DGKB: variants seen among roughly 807,000 people sequenced by gnomAD.
The protein encoded by DGKB is diacylglycerol kinase beta.
In DGKB, 67 loss-of-function variants were observed where a neutral mutation model predicts 114.3. That is an observed-to-expected ratio of 0.59 (90% CI 0.48 to 0.72). DGKB has a LOEUF of 0.72. DGKB is among the 30% of genes least tolerant of loss of function. The probability of loss-of-function intolerance (pLI) is 0.00; values close to 1 mark genes in which losing one functional copy is unlikely to be tolerated. For synonymous variants in DGKB, 398 were observed against 323.1 expected (o/e 1.23, Z -2.49); for missense variants, 907 against 975.2 (o/e 0.93, Z 0.93).
chr7:14,256,588 G>A (rs115214194), intron 23 of DGKB, among the ~76,000 whole-genome samples: 1,576 of 152,116 alleles, frequency 0.01, 34 homozygotes, highest in African/African-American at 0.036. Flanking sequence ...TGTTTTACAT[G>A]TTTTAAAAGA....
At chr7:14,271,662 A>T (rs1798283336) in intron 23 of DGKB, among the ~76,000 whole-genome samples, 1 of 152,240 alleles carries the variant, frequency 6.6e-6, no homozygotes, top group Non-Finnish European at 1.5e-5. Flanking sequence ...GGCAAAGCAC[A>T]TGAACTGAGT....
intron 1 of DGKB, among the ~76,000 whole-genome samples, chr7:14,914,898 T>G (rs1006522319): frequency 6.6e-6 from 1 of 151,854 alleles, no homozygotes; most frequent in African/African-American, 2.4e-5. Flanking sequence ...TAAGATGGTC[T>G]CATCCGTAGA....
At position 14,662,905 on chromosome 7, in the gene DGKB, A is replaced by G. The variant is rs867595384; in HGVS notation, c.1134+10024T>C. On this transcript the variant is annotated intron_variant, in intron 13 of 25. Transcript: ENST00000402815. ...TTTTGTATGATTACATAGTTATGGT[A>G]TGATAAAATGTTAAAATTCACTTTT... Among the ~76,000 whole-genome samples, 21 of 152,054 alleles carry G rather than the reference A, an allele frequency of 1.4e-4. No individual in the cohort carries two copies. The South Asian group carries it at 2.1e-3, about 15-fold the overall frequency.
rs759191245 is a variant in DGKB at position 14,517,391 on chromosome 7, G to A, written c.1771-39166C>T. Among the ~76,000 whole-genome samples the A allele has an allele frequency of 5.9e-4, 89 of 151,770 alleles. 1 individual carries two copies. The highest frequency in any genetic ancestry group is 3.4e-3 in the Middle Eastern group (1 of 292). Reference sequence around the variant, plus strand: ...CTAGGGAATACCATTCTGGACATAAGATTTGGCAAAGATTTCACAACGAAG... The same window carrying A: ...CTAGGGAATACCATTCTGGACATAAAATTTGGCAAAGATTTCACAACGAAG... On this transcript the variant is annotated intron_variant, in intron 20 of 25. Coordinates refer to ENST00000402815, the MANE Select transcript of DGKB (RefSeq NM_001350709.2).
chr7:14,666,710 G>A (rs1165376543), intron 13 of DGKB, among the ~76,000 whole-genome samples: 1 of 151,714 alleles, frequency 6.6e-6, no homozygotes, highest in Non-Finnish European at 1.5e-5. Context: ...TTTGTAAACA[G>A]TTTCTGACCT....
intron 23 of DGKB, among the ~76,000 whole-genome samples, chr7:14,242,845 C>G (rs1280896569): frequency 6.8e-6 from 1 of 147,654 alleles, no homozygotes; most frequent in Non-Finnish European, 1.5e-5. Context: ...TACAAGAAAC[C>G]CATCCAAATA....
chr7:14,706,373 T>C (rs1826231717), intron 6 of DGKB, among the ~76,000 whole-genome samples: 1 of 144,868 alleles, frequency 6.9e-6, no homozygotes, highest in Non-Finnish European at 1.5e-5. Flanking sequence ...AATGGGAGAC[T>C]TTAACACCCC....
rs542265500 is a variant in DGKB at position 14,412,185 on chromosome 7, T to A, written c.1835+65976A>T. Among the ~76,000 whole-genome samples the A allele has an allele frequency of 7.2e-5, 11 of 152,072 alleles. No homozygotes were observed. The East Asian group carries it at 2.1e-3, about 29-fold the overall frequency. On this transcript the variant is annotated intron_variant, in intron 21 of 25. Coordinates refer to ENST00000402815, the MANE Select transcript of DGKB (RefSeq NM_001350709.2). ...TAAACATTCACCTATTCAGAAAAAA[T>A]TTGCTGAATTGCTGCTATAAAGCAG...
intron 21 of DGKB, among the ~76,000 whole-genome samples, chr7:14,475,126 A>G (rs1781973724): frequency 6.6e-6 from 1 of 152,192 alleles, no homozygotes; most frequent in African/African-American, 2.4e-5. Context: ...CATGTTCTTT[A>G]AAATATAAAT....
chr7:14,867,030 T>C (rs561977457), intron 1 of DGKB, among the ~76,000 whole-genome samples: 1 of 152,338 alleles, frequency 6.6e-6, no homozygotes, highest in African/African-American at 2.4e-5. Flanking sequence ...TATATTTTCT[T>C]TGGTTAAGTG....
At chr7:14,660,759 C>T (rs1377990254) in intron 13 of DGKB, among the ~76,000 whole-genome samples, 2 of 151,816 alleles carry the variant, frequency 1.3e-5, no homozygotes, top group Non-Finnish European at 2.9e-5. Flanking sequence ...AATCCTGAGC[C>T]AAAAGAACAA....
At chr7:14,939,829 G>C (rs1019984279) in intron 1 of DGKB, among the ~76,000 whole-genome samples, 6 of 151,822 alleles carry the variant, frequency 4.0e-5, no homozygotes, top group African/African-American at 1.5e-4. Flanking sequence ...TAGCCAGCAT[G>C]GTCTTGATCT....
intron 13 of DGKB, among the ~76,000 whole-genome samples, chr7:14,670,387 C>A (rs1167158627): frequency 6.6e-6 from 1 of 151,794 alleles, no homozygotes; most frequent in African/African-American, 2.4e-5. Context: ...ACTGCAACCT[C>A]CGCCTCCAGG....
intron 1 of DGKB, among the ~76,000 whole-genome samples, chr7:14,868,327 T>G (rs958037593): frequency 3.9e-5 from 5 of 127,046 alleles, no homozygotes; most frequent in Non-Finnish European, 8.0e-5. Flanking sequence ...ACTTTCTTTT[T>G]TCTTTCCTTT....
At chr7:14,478,878 C>T (rs1252573352) in intron 20 of DGKB, among the ~76,000 whole-genome samples, 2 of 151,860 alleles carry the variant, frequency 1.3e-5, no homozygotes, top group Non-Finnish European at 2.9e-5. Context: ...TTCTGAGACC[C>T]CAAGTGCATC....
chr7:14,514,833 T>A (rs978438192), intron 20 of DGKB, among the ~76,000 whole-genome samples: 20 of 152,094 alleles, frequency 1.3e-4, no homozygotes, highest in African/African-American at 4.8e-4. Flanking sequence ...ACAGGAGGAC[T>A]GCTTGAGCCC....
intron 6 of DGKB, among the ~76,000 whole-genome samples, chr7:14,707,358 A>G (rs1403279590): frequency 6.7e-6 from 1 of 150,026 alleles, no homozygotes; most frequent in Non-Finnish European, 1.5e-5. Context: ...CCAGGGCCAG[A>G]TGGATTCACA....
chr7:14,302,015 C>A (rs1281173776), intron 23 of DGKB, among the ~76,000 whole-genome samples: 1 of 152,090 alleles, frequency 6.6e-6, no homozygotes, highest in African/African-American at 2.4e-5. Context: ...CTTTGATTCT[C>A]TCCATCTCTG....
At chr7:14,939,427 G>A (rs1785445896) in intron 1 of DGKB, among the ~76,000 whole-genome samples, 1 of 151,976 alleles carries the variant, frequency 6.6e-6, no homozygotes, top group African/African-American at 2.4e-5. Context: ...CTCTCCTGTT[G>A]TGATGGCTCC....
Sources: gnomAD v4.1 joint callset for allele counts (sites outside exome capture counted in the v4.1 genomes callset) on GRCh38, gnomAD v4.1.1 for gene constraint, MANE v1.5 for transcripts, NCBI Gene and HGNC (gene_info 2026-07-23, HGNC 2026-07-21) for gene names.